Variants in TRPC5 observed in about 807,000 individuals in gnomAD.
TRPC5 encodes the protein short transient receptor potential channel 5.
In TRPC5, 9 loss-of-function variants were observed where a neutral mutation model predicts 56.5. The ratio of observed to expected loss-of-function variants is 0.16; its 90% CI spans 0.10 to 0.28. TRPC5 has a LOEUF of 0.28. Among genes scored for constraint, TRPC5 ranks in the 10% least tolerant of loss-of-function variants. The pLI, the probability that TRPC5 is intolerant of heterozygous loss-of-function variation, is 1.00. For missense variants in TRPC5, 469 were observed against 748.9 expected (o/e 0.63, Z 4.36); for synonymous variants, 282 against 278.5 (o/e 1.01, Z -0.13).
intron 2 of TRPC5, among the ~76,000 whole-genome samples, chrX:111,926,057 C>T (rs1352839847): frequency 3.9e-4 from 44 of 112,231 alleles, no homozygotes; most frequent in Non-Finnish European, 5.6e-5. Context: ...TGCCAAATGT[C>T]TCCTGGGAGC....
At chrX:111,778,870 T>C in intron 10 of TRPC5, 115 bp downstream of exon 10, 2 of 462,525 alleles carry the variant, frequency 4.3e-6, no homozygotes, top group Non-Finnish European at 7.1e-6. Context: ...GCATTATAAC[T>C]GGCTTTGCTA....
At chrX:112,070,755 C>G (rs1057174449) in intron 1 of TRPC5, among the ~76,000 whole-genome samples, 1 of 107,207 alleles carries the variant, frequency 9.3e-6, no homozygotes, top group Non-Finnish European at 1.9e-5. Flanking sequence ...AACTGCCCCC[C>G]CCCAAAGTTA....
Position 112,023,390 on chromosome X carries a change from G to A in TRPC5, c.-22+58489C>T, listed in dbSNP as rs533781395. ...TGTTTCCAACCTCCAGCCTCTTGTG[G>A]GTTTCTCACAGTCCTTGGCAGGTAC... is the stretch of plus-strand genomic sequence containing the variant. On this transcript the variant is annotated intron_variant, in intron 1 of 10. Transcript: ENST00000262839. Among the ~76,000 whole-genome samples the A allele has an allele frequency of 1.9e-4, 20 of 106,274 alleles. No individual in the cohort carries two copies. The South Asian group carries it at 8.5e-3, about 45-fold the overall frequency. 92.3% of individuals were successfully genotyped at this position (106,274 alleles called of 115,157 possible). A position where few individuals can be genotyped will look rare whatever the true frequency, so the allele number is the denominator to read the frequency against.
At chrX:111,841,021 G>A (rs116486798) in intron 6 of TRPC5, among the ~76,000 whole-genome samples, 1,351 of 111,887 alleles carry the variant, frequency 0.012, 26 homozygotes, top group African/African-American at 0.043. Flanking sequence ...CATCAGGAAG[G>A]ATATGGACTG....
At chrX:112,070,169 T>C (rs1359254607) in intron 1 of TRPC5, among the ~76,000 whole-genome samples, 10 of 112,067 alleles carry the variant, frequency 8.9e-5, no homozygotes, top group African/African-American at 3.2e-4. Flanking sequence ...GTGGTTCCAA[T>C]GACAGGCTGG....
At chrX:111,994,170 C>G (rs951556962) in intron 1 of TRPC5, among the ~76,000 whole-genome samples, 1 of 111,771 alleles carries the variant, frequency 8.9e-6, no homozygotes, top group African/African-American at 3.2e-5. Context: ...ATCCTTTCCC[C>G]ATTTCTTGTT....
intron 7 of TRPC5, among the ~76,000 whole-genome samples, chrX:111,802,470 T>TA (rs767434835): frequency 6.3e-5 from 7 of 111,609 alleles, no homozygotes; most frequent in East Asian, 5.6e-4. Flanking sequence ...CACAAAGCAG[T>TA]AAAAAAAATT....
At chrX:112,060,679 G>A (rs769011016) in intron 1 of TRPC5, among the ~76,000 whole-genome samples, 1 of 111,505 alleles carries the variant, frequency 9.0e-6, no homozygotes, top group Non-Finnish European at 1.9e-5. Flanking sequence ...CTTCCCAAGC[G>A]AAGTTCTTAT....
At chrX:111,874,324 A>C (rs1404548951) in intron 3 of TRPC5, among the ~76,000 whole-genome samples, 4 of 112,749 alleles carry the variant, frequency 3.5e-5, no homozygotes, top group Non-Finnish European at 7.5e-5. Context: ...TAATGACTGC[A>C]ACAGGAAACT....
At chrX:111,994,529 C>A (rs1012166538) in intron 1 of TRPC5, among the ~76,000 whole-genome samples, 1 of 111,754 alleles carries the variant, frequency 8.9e-6, no homozygotes, top group African/African-American at 3.3e-5. Flanking sequence ...TTCTTCCTAT[C>A]CATGAGCATG....
At position 111,769,629 on chromosome X, in the gene TRPC5, A is replaced by G. The variant is rs1272573902; in HGVS notation, c.*6684T>C. Among the ~76,000 whole-genome samples the G allele has an allele frequency of 8.9e-6, 1 of 111,829 alleles. No individual in the cohort carries two copies. Among genetic ancestry groups the G allele is most frequent in the Non-Finnish European group, 1.9e-5 (1 of 53,116 alleles). ...GTAATTGTACATAAATCATTCCTCA[A>G]TAAAGTTAATTAGGGGAAAAAAACT... is the stretch of plus-strand genomic sequence containing the variant. On this transcript the variant is annotated 3_prime_UTR_variant, in exon 11 of 11. Coordinates refer to ENST00000262839, the MANE Select transcript of TRPC5 (RefSeq NM_012471.3).
chrX:111,980,035 G>T, intron 1 of TRPC5, among the ~76,000 whole-genome samples: 1 of 111,481 alleles, frequency 9.0e-6, no homozygotes, highest in East Asian at 2.8e-4. Flanking sequence ...TTTTCATAGT[G>T]GCTTTATTTT....
chrX:111,952,542 A>G (rs747137804), intron 1 of TRPC5, 101 bp from the exon 2 acceptor site: 2 of 797,918 alleles, frequency 2.5e-6, no homozygotes, highest in Admixed American at 7.7e-5. Flanking sequence ...AGAAAATCCT[A>G]AACTACTTCA....
chrX:111,991,570 A>C (rs2148656095), intron 1 of TRPC5, among the ~76,000 whole-genome samples: 1 of 111,940 alleles, frequency 8.9e-6, no homozygotes, highest in African/African-American at 3.2e-5. Flanking sequence ...GTTTGGGTGG[A>C]GGACACCATG....
chrX:112,076,411 C>A (rs754248735), intron 1 of TRPC5, among the ~76,000 whole-genome samples: 1 of 111,238 alleles, frequency 9.0e-6, no homozygotes, highest in African/African-American at 3.3e-5. Context: ...GTAGGTAGCA[C>A]CATGGGCTGG....
intron 3 of TRPC5, among the ~76,000 whole-genome samples, chrX:111,870,024 A>G (rs1923694563): frequency 8.9e-6 from 1 of 112,094 alleles, no homozygotes; most frequent in Non-Finnish European, 1.9e-5. Flanking sequence ...ATATCAAAGC[A>G]GAAAGCATGC....
intron 3 of TRPC5, among the ~76,000 whole-genome samples, chrX:111,884,975 T>A (rs1247073285): frequency 9.0e-6 from 1 of 111,311 alleles, no homozygotes; most frequent in Non-Finnish European, 1.9e-5. Flanking sequence ...CTAGTTAAGA[T>A]CTGGCCAGCC....
intron 1 of TRPC5, among the ~76,000 whole-genome samples, chrX:111,993,951 G>T (rs1386185992): frequency 2.7e-5 from 3 of 111,755 alleles, no homozygotes; most frequent in Admixed American, 1.9e-4. Context: ...CATTGCTTTT[G>T]GTGTTTTAGT....
At chrX:111,788,553 G>T (rs1411185640) in intron 7 of TRPC5, among the ~76,000 whole-genome samples, 1 of 111,943 alleles carries the variant, frequency 8.9e-6, no homozygotes, top group African/African-American at 3.3e-5. Context: ...AGTGTTGGAA[G>T]TTCTGGCCGG....
Sources: allele counts gnomAD v4.1 joint callset (sites outside exome capture counted in the v4.1 genomes callset), GRCh38; gene constraint gnomAD v4.1.1; transcripts MANE v1.5; gene names NCBI Gene and HGNC (gene_info 2026-07-23, HGNC 2026-07-21).